The following ARK2N variants were observed in gnomAD, a reference collection of about 807,000 sequenced individuals.
The protein encoded by ARK2N is protein ARK2N.
chr18:46,183,064 G>A, the ARK2N span, among the ~76,000 whole-genome samples: 5 of 150,812 alleles, frequency 3.3e-5, no homozygotes, highest in African/African-American at 1.2e-4. Context: ...AAAGAAAACC[G>A]AAAAACTTAC....
the ARK2N span, among the ~76,000 whole-genome samples, chr18:46,252,192 CAAAAA>C: frequency 3.0e-5 from 4 of 133,756 alleles, no homozygotes; most frequent in Non-Finnish European, 6.4e-5. Flanking sequence ...GACTCCATCT[CAAAAA>C]AAAAAAAGGT....
the ARK2N span, among the ~76,000 whole-genome samples, chr18:46,188,452 T>C: frequency 6.6e-6 from 1 of 152,134 alleles, no homozygotes; most frequent in Non-Finnish European, 1.5e-5. Context: ...TCCACCTGCA[T>C]AGGCCTCCCA....
At chr18:46,254,948 A>G in the ARK2N span, among the ~76,000 whole-genome samples, 3 of 108,824 alleles carry the variant, frequency 2.8e-5, no homozygotes, top group African/African-American at 3.7e-5. Context: ...TGTATTTTGT[A>G]TAAAGCAAAC....
At chr18:46,202,661 G>A in the ARK2N span, among the ~76,000 whole-genome samples, 1 of 151,406 alleles carries the variant, frequency 6.6e-6, no homozygotes, top group African/African-American at 2.4e-5. Context: ...AGTGGCGGGT[G>A]CCTGTAATCC....
At chr18:46,199,453 C>T in the ARK2N span, among the ~76,000 whole-genome samples, 5 of 147,576 alleles carry the variant, frequency 3.4e-5, no homozygotes, top group African/African-American at 1.2e-4. Context: ...GTAGCTGGAA[C>T]TACAAGTGTG....
chr18:46,214,007 T>C, the ARK2N span, among the ~76,000 whole-genome samples: 1 of 152,176 alleles, frequency 6.6e-6, no homozygotes, highest in African/African-American at 2.4e-5. Context: ...TAGGATTGTT[T>C]TAAATTAACA....
the ARK2N span, among the ~76,000 whole-genome samples, chr18:46,188,913 C>CA: frequency 1.0e-3 from 150 of 149,688 alleles, no homozygotes; most frequent in African/African-American, 3.4e-3. Context: ...ATCTGGGCTT[C>CA]AAAAAAAAAT....
the ARK2N span, among the ~76,000 whole-genome samples, chr18:46,229,659 C>T: frequency 2.6e-5 from 4 of 151,848 alleles, no homozygotes; most frequent in Non-Finnish European, 5.9e-5. Flanking sequence ...CTCTATTGCC[C>T]AGGCTGGAGT....
At chr18:46,216,192 T>C in the ARK2N span, 2 of 1,614,024 alleles carry the variant, frequency 1.2e-6, no homozygotes, top group Non-Finnish European at 1.7e-6. This position sits in a 1 kb window ranked among gnomAD's most constrained non-coding sequence, Gnocchi z 4.3. Context: ...GTCACCTGGC[T>C]GATTCAGATA....
At chr18:46,227,391 A>G in the ARK2N span, among the ~76,000 whole-genome samples, 2 of 152,168 alleles carry the variant, frequency 1.3e-5, no homozygotes, top group Admixed American at 1.3e-4. Context: ...CCAGTAATAG[A>G]CTGAACCACA....
At chr18:46,184,869 G>A in the ARK2N span, among the ~76,000 whole-genome samples, 1,121 of 152,282 alleles carry the variant, frequency 7.4e-3, 13 homozygotes, top group Non-Finnish European at 9.9e-3. Flanking sequence ...TTGTGGTTAT[G>A]TAGCCAAAGA....
At chr18:46,250,515 C>CACACACACACACACACACACAG in the ARK2N span, among the ~76,000 whole-genome samples, 5 of 151,726 alleles carry the variant, frequency 3.3e-5, no homozygotes, top group South Asian at 8.4e-4. Flanking sequence ...CACACACACA[C>CACACACACACACACACACACAG]AGTATTTTCC....
At chr18:46,174,160 CCG>C in the ARK2N span, 4 of 152,462 alleles carry the variant, frequency 2.6e-5, no homozygotes, top group African/African-American at 9.6e-5. Flanking sequence ...GGGGCTCTGA[CCG>C]CGACCCACTG....
the ARK2N span, among the ~76,000 whole-genome samples, chr18:46,192,286 G>T: frequency 1.3e-5 from 2 of 152,078 alleles, no homozygotes. Context: ...TAAGAATGTG[G>T]ACTCTGGCTG....
At chr18:46,228,659 C>A in the ARK2N span, 1 of 395,120 alleles carries the variant, frequency 2.5e-6, no homozygotes, top group South Asian at 1.4e-4. Flanking sequence ...CATCTTGTCT[C>A]ACTGTAACCT....
the ARK2N span, among the ~76,000 whole-genome samples, chr18:46,183,868 G>A: frequency 6.6e-6 from 1 of 152,092 alleles, no homozygotes; most frequent in African/African-American, 2.4e-5. Flanking sequence ...CTGTCGCCCA[G>A]GCTGGAGTGC....
chr18:46,243,743 A>G, the ARK2N span, among the ~76,000 whole-genome samples: 2 of 152,200 alleles, frequency 1.3e-5, no homozygotes, highest in South Asian at 2.1e-4. Flanking sequence ...GCATGTCCTC[A>G]GGTAAATTAT....
At chr18:46,221,285 C>G in the ARK2N span, among the ~76,000 whole-genome samples, 1 of 151,834 alleles carries the variant, frequency 6.6e-6, no homozygotes, top group East Asian at 1.9e-4. Context: ...GTGTCTCATG[C>G]CTGTAATCCC....
chr18:46,184,270 G>A, the ARK2N span, among the ~76,000 whole-genome samples: 1 of 152,096 alleles, frequency 6.6e-6, no homozygotes, highest in Non-Finnish European at 1.5e-5. Context: ...GATTACAGGT[G>A]TAAGCCACTG....
Sources: gnomAD v4.1 joint callset for allele counts (sites outside exome capture counted in the v4.1 genomes callset) on GRCh38, gnomAD v4.1.1 for gene constraint, Gnocchi (gnomAD v3.1) non-coding constraint, MANE v1.5 for transcripts, NCBI Gene and HGNC (gene_info 2026-07-23, HGNC 2026-07-21) for gene names.